The following TUBB6 variants were observed in gnomAD, a reference collection of about 807,000 sequenced individuals.
The protein encoded by TUBB6 is tubulin beta 6 class V.
Under a neutral mutation model 32.3 loss-of-function variants are expected in TUBB6, and 18 were observed. That is an observed-to-expected ratio of 0.56 (90% CI 0.39 to 0.83). The LOEUF (loss-of-function observed/expected upper bound fraction) is 0.83. TUBB6 is among the 40% of genes least tolerant of loss of function. The pLI, the probability that TUBB6 is intolerant of heterozygous loss-of-function variation, is 0.00. For synonymous variants in TUBB6, 280 were observed against 265.8 expected (o/e 1.05, Z -0.52); for missense variants, 480 against 632.0 (o/e 0.76, Z 2.58).
Position 12,326,492 on chromosome 18 carries a change from C to G in TUBB6, c.*362C>G, listed in dbSNP as rs920994362. The G allele has an allele frequency of 3.8e-6, 1 of 260,162 alleles. No homozygotes were observed. Among genetic ancestry groups the G allele is most frequent in the Non-Finnish European group, 7.3e-6 (1 of 136,602 alleles). 16.1% of individuals were successfully genotyped at this position (260,162 alleles called of 1,614,324 possible). A position where few individuals can be genotyped will look rare whatever the true frequency, so the allele number is the denominator to read the frequency against. ...CTTTGTGATGAAGCCTGAAATTGTG[C>G]CGTGTTGCCTTATATGAATATGCAG... is the stretch of plus-strand genomic sequence containing the variant. On this transcript the variant is annotated 3_prime_UTR_variant, in exon 4 of 4. Coordinates refer to ENST00000317702, the MANE Select transcript of TUBB6 (RefSeq NM_032525.3).
rs1275852599 is a variant in TUBB6 at position 12,326,264 on chromosome 18, AAGTCATGTAATT to A, written c.*141_*152del. 2.3e-6 allele frequency: 3 copies of A among 1,312,828 alleles called. No homozygotes were observed. Among genetic ancestry groups the A allele is most frequent in the Non-Finnish European group, 3.0e-6 (3 of 984,906 alleles). 81.3% of individuals were successfully genotyped at this position (1,312,828 alleles called of 1,614,324 possible). A position where few individuals can be genotyped will look rare whatever the true frequency, so the allele number is the denominator to read the frequency against. On this transcript the variant is annotated 3_prime_UTR_variant, in exon 4 of 4. Coordinates refer to ENST00000317702, the MANE Select transcript of TUBB6 (RefSeq NM_032525.3). ...GTGTCGGCCCCTCACAAATGCAGCC[AAGTCATGTAATT>A]AGTCATCTGGAACAAAGACTAAAAA...
Position 12,325,871 on chromosome 18 carries a change from T to C in TUBB6, c.1082T>C (p.Leu361Pro), listed in dbSNP as rs776951631. The C allele has an allele frequency of 6.2e-7, 1 of 1,614,192 alleles. No homozygotes were observed. Among genetic ancestry groups the C allele is most frequent in the East Asian group, 2.2e-5 (1 of 44,890 alleles). The change falls in exon 4 of 4, where the codon CTG becomes CCG. Residue 361 changes from leucine to proline, a missense_variant. Coordinates refer to ENST00000317702, the MANE Select transcript of TUBB6 (RefSeq NM_032525.3). ...VAVCDIPPRG[L>P]KMASTFIGNS... is the part of the protein sequence containing the mutation. ...GTGTGCGACATCCCGCCCCGCGGCC[T>C]GAAGATGGCCTCCACCTTCATCGGC...
chr18:12,326,049 C>G lies in TUBB6; in HGVS notation c.1260C>G (p.Ser420=), dbSNP rs746974179. 1 of 1,614,098 alleles carries G rather than the reference C, an allele frequency of 6.2e-7. No homozygotes were observed. The highest frequency in any genetic ancestry group is 2.2e-5 in the East Asian group (1 of 44,876). The change falls in exon 4 of 4, where the codon TCC becomes TCG. Residue 420 remains serine, a synonymous_variant. Transcript: ENST00000317702. ...EAESNMNDLV[S]EYQQYQDATA... ...AGAGCAACATGAACGACCTGGTATCCGAGTACCAGCAGTACCAGGATGCCA... is the reference window on the plus strand; with the variant it reads ...AGAGCAACATGAACGACCTGGTATCGGAGTACCAGCAGTACCAGGATGCCA...
chr18:12,326,280 C>A lies in TUBB6; in HGVS notation c.*150C>A. Reference sequence around the variant, plus strand: ...AATGCAGCCAAGTCATGTAATTAGTCATCTGGAACAAAGACTAAAAACAGC... The same window carrying A: ...AATGCAGCCAAGTCATGTAATTAGTAATCTGGAACAAAGACTAAAAACAGC... On this transcript the variant is annotated 3_prime_UTR_variant, in exon 4 of 4. Transcript: ENST00000317702. 1.7e-6 allele frequency: 2 copies of A among 1,200,354 alleles called. No individual in the cohort carries two copies. Among genetic ancestry groups the A allele is most frequent in the Non-Finnish European group, 2.3e-6 (2 of 885,782 alleles). The allele number at this position is 1,200,354 out of a possible 1,614,324, so 74.4% of individuals were successfully genotyped here.
chr18:12,317,446 C>T (rs574081226), intron 3 of TUBB6, among the ~76,000 whole-genome samples: 7 of 149,456 alleles, frequency 4.7e-5, no homozygotes, highest in Admixed American at 6.8e-5. Context: ...CCAGCCTGGG[C>T]GACAGAGCAA....
At chr18:12,322,969 A>G (rs1223207352) in intron 3 of TUBB6, among the ~76,000 whole-genome samples, 2 of 152,200 alleles carry the variant, frequency 1.3e-5, no homozygotes, top group South Asian at 2.1e-4. Flanking sequence ...AGAAATTAAA[A>G]TTATATCATA....
intron 2 of TUBB6, 55 bp downstream of exon 2, chr18:12,308,850 G>C: frequency 8.3e-7 from 1 of 1,209,526 alleles, no homozygotes; most frequent in South Asian, 1.2e-5. Context: ...GGACGCTCCG[G>C]CGCCGCCTCT....
At position 12,326,163 on chromosome 18, in the gene TUBB6, A is replaced by G. The variant is rs1260483388; in HGVS notation, c.*33A>G. ...AGAGCCGCCCCAACTCAGATCCTACAACACGCAAGTTCCTTCTTGAACCCT... is the reference window on the plus strand; with the variant it reads ...AGAGCCGCCCCAACTCAGATCCTACGACACGCAAGTTCCTTCTTGAACCCT... On this transcript the variant is annotated 3_prime_UTR_variant, in exon 4 of 4. Coordinates refer to ENST00000317702, the MANE Select transcript of TUBB6 (RefSeq NM_032525.3). 1 of 1,584,694 alleles carries G rather than the reference A, an allele frequency of 6.3e-7. No individual in the cohort carries two copies. The highest frequency in any genetic ancestry group is 8.6e-7 in the Non-Finnish European group (1 of 1,164,590).
chr18:12,318,150 G>A (rs1906771339), intron 3 of TUBB6, among the ~76,000 whole-genome samples: 1 of 151,894 alleles, frequency 6.6e-6, no homozygotes, highest in Admixed American at 6.6e-5. Context: ...GCTGCCCTGG[G>A]TCTTTCCTTT....
chr18:12,320,932 T>C (rs6505752), intron 3 of TUBB6, among the ~76,000 whole-genome samples: 150,177 of 152,340 alleles, frequency 0.99, 74,054 homozygotes, highest in East Asian at 1. Flanking sequence ...CTATCTCCAG[T>C]AGCTCCCGTG....
At chr18:12,328,490 T>C (rs1005307815), downstream of TUBB6, among the ~76,000 whole-genome samples, 1 of 152,180 alleles carries the variant, frequency 6.6e-6, no homozygotes, top group Non-Finnish European at 1.5e-5. Context: ...TCCCTTTCAA[T>C]AGACAATAGG....
At position 12,308,669 on chromosome 18, in the gene TUBB6, C is replaced by T. The variant is rs564186379; in HGVS notation, c.58-18C>T. 3.2e-6 allele frequency: 5 copies of T among 1,562,450 alleles called. No homozygotes were observed. Among genetic ancestry groups the T allele is most frequent in the South Asian group, 1.1e-5 (1 of 89,854 alleles). On this transcript the variant is annotated intron_variant, in intron 1 of 3. Transcript: ENST00000317702. ...TCTGGGTTCTGAGCGTCTGTCCCCC[C>T]GCCTTGCCCTGCCCAAGTTTTGGGA... is the stretch of plus-strand genomic sequence containing the variant.
chr18:12,329,328 G>A (rs754369427), downstream of TUBB6: 166 of 673,220 alleles, frequency 2.5e-4, no homozygotes, highest in Non-Finnish European at 4.1e-4. Context: ...GCACGTCTGG[G>A]AGCCCAATGA....
Position 12,326,126 on chromosome 18 carries a change from G to A in TUBB6, c.1337G>A (p.Gly446Glu), listed in dbSNP as rs1041855621. The change falls in exon 4 of 4, where the codon GGA becomes GAA. Residue 446 changes from glycine (G) to glutamate (E), a missense_variant. Physicochemically the swap from Gly to Glu is moderately conservative, Grantham distance 98. Coordinates refer to ENST00000317702, the MANE Select transcript of TUBB6 (RefSeq NM_032525.3). ...AFEDEEEEID[G>E] ...GAGGATGAGGAAGAGGAGATCGATG[G>A]ATAGTCGGAATAGAGCCGCCCCAAC... 3 of 1,610,778 alleles carry A rather than the reference G, an allele frequency of 1.9e-6. No individual in the cohort carries two copies. The Admixed American group carries it at 5.0e-5, about 27-fold the overall frequency.
chr18:12,328,958 TAC>T (rs1413867532), downstream of TUBB6: 33 of 558,936 alleles, frequency 5.9e-5, no homozygotes, highest in South Asian at 7.4e-4. Context: ...TTCAGAAAAG[TAC>T]AGTGTTGACA....
intron 3 of TUBB6, among the ~76,000 whole-genome samples, chr18:12,321,883 TGA>T (rs1392316175): frequency 1.1e-4 from 16 of 152,018 alleles, no homozygotes; most frequent in African/African-American, 3.6e-4. Context: ...AGTGAAAGAG[TGA>T]GAGTGTATTT....
chr18:12,315,892 G>T (rs1351937253), intron 3 of TUBB6, among the ~76,000 whole-genome samples: 1 of 152,214 alleles, frequency 6.6e-6, no homozygotes, highest in Non-Finnish European at 1.5e-5. Context: ...TGGGTAGTAG[G>T]TGTGTAGAGA....
chr18:12,311,142 T>C, intron 3 of TUBB6, 89 bp downstream of exon 3: 5 of 1,159,400 alleles, frequency 4.3e-6, no homozygotes, highest in South Asian at 2.8e-5. Context: ...TCATGTGTCA[T>C]AGAAAAAGTG....
intron 3 of TUBB6, 179 bp from the exon 4 acceptor site, chr18:12,324,888 C>T: frequency 2.8e-6 from 4 of 1,420,574 alleles, no homozygotes; most frequent in Non-Finnish European, 3.7e-6. Flanking sequence ...TTTGACTTGC[C>T]TAAAAACGTA....
Sources: allele counts gnomAD v4.1 joint callset (sites outside exome capture counted in the v4.1 genomes callset), GRCh38; gene constraint gnomAD v4.1.1; transcripts MANE v1.5; gene names NCBI Gene and HGNC (gene_info 2026-07-23, HGNC 2026-07-21).